The following CERCAM variants were observed in gnomAD, a reference collection of about 807,000 sequenced individuals.
The protein encoded by CERCAM is cerebral endothelial cell adhesion molecule, also known as inactive glycosyltransferase 25 family member 3.
Under a neutral mutation model 66.0 loss-of-function variants are expected in CERCAM, and 59 were observed. The observed-to-expected ratio is 0.89, with a 90% CI of 0.73 to 1.11. The LOEUF (loss-of-function observed/expected upper bound fraction) is 1.11. Among genes scored for constraint, CERCAM ranks in the 50% most tolerant of loss-of-function variants. CERCAM has a pLI of 0.00. For missense variants in CERCAM, 840 were observed against 828.3 expected (o/e 1.01, Z -0.17); for synonymous variants, 318 against 343.6 (o/e 0.93, Z 0.83).
At chr9:128,421,257 A>G in intron 1 of CERCAM, 183 bp downstream of exon 1, 2 of 1,234,266 alleles carry the variant, frequency 1.6e-6, no homozygotes, top group Non-Finnish European at 2.0e-6. Flanking sequence ...CTGCTGGGAG[A>G]CGACAGACCT....
Position 128,424,419 on chromosome 9 carries a change from C to T in CERCAM, c.571C>T (p.Arg191Cys), listed in dbSNP as rs754714830. The stretch of plus-strand genomic sequence containing the variant: ...CATCCCTTTTCCCCAGGGCTACTAC[C>T]GCCGCACAGCCGAGTACTTCCCCAC... The part of the protein sequence containing the change: ...WCGITPQGYY[R>C]RTAEYFPTKN... The change falls in exon 5 of 13, where the codon CGC becomes TGC. Residue 191 changes from arginine to cysteine, a missense_variant. Coordinates refer to ENST00000372838, the MANE Select transcript of CERCAM (RefSeq NM_016174.5). 9.9e-6 allele frequency: 16 copies of T among 1,613,890 alleles called. No individual in the cohort carries two copies. Among genetic ancestry groups the T allele is most frequent in the South Asian group, 2.2e-5 (2 of 91,074 alleles).
rs759879239 is a variant in CERCAM at position 128,428,915 on chromosome 9, C to G, written c.964-15C>G. ...GCTCCCTTGCACTTACCGCCCACCCCCCTGCCTCCTCCAGGTCTTTGTCAT... is the reference window on the plus strand; with the variant it reads ...GCTCCCTTGCACTTACCGCCCACCCGCCTGCCTCCTCCAGGTCTTTGTCAT... On this transcript the variant is annotated splice_polypyrimidine_tract_variant and intron_variant, in intron 7 of 12. Coordinates refer to ENST00000372838, the MANE Select transcript of CERCAM (RefSeq NM_016174.5). 25 of 1,607,252 alleles carry G rather than the reference C, an allele frequency of 1.6e-5. No individual in the cohort carries two copies. The highest frequency in any genetic ancestry group is 2.0e-5 in the Non-Finnish European group (24 of 1,176,562).
rs181009294 is a variant in CERCAM, at chr9:128,433,647, A to C, written c.1204-455A>C. Among the ~76,000 whole-genome samples the C allele has an allele frequency of 9.4e-3, 1,429 of 152,282 alleles. 10 individuals carry two copies. The highest frequency in any genetic ancestry group is 0.027 in the Middle Eastern group (8 of 294). ...AAGAGTGAAACTTCGTCTCAAAAAA[A>C]AAGGAAAATTGCAGGAGGCCAAAGT... is the stretch of plus-strand genomic sequence containing the variant. On this transcript the variant is annotated intron_variant, in intron 9 of 12. Coordinates refer to ENST00000372838, the MANE Select transcript of CERCAM (RefSeq NM_016174.5).
rs1833924333 is a variant in CERCAM at position 128,429,430 on chromosome 9, T to TA, written c.1070+394_1070+395insA. Among the ~76,000 whole-genome samples, 3 of 152,242 alleles carry TA rather than the reference T, an allele frequency of 2.0e-5. No homozygotes were observed. In the South Asian group the frequency reaches 6.2e-4, roughly 32 times the overall value. On this transcript the variant is annotated intron_variant, in intron 8 of 12. Transcript: ENST00000372838. ...GGCCGGGCACATAGTTTCCAAAGGC[T>TA]TAGGTGTCTCCCTTATTATTACTCT...
intron 6 of CERCAM, 98 bp from the exon 7 acceptor site, chr9:128,428,659 C>A: frequency 2.2e-6 from 3 of 1,386,758 alleles, no homozygotes; most frequent in Non-Finnish European, 2.0e-6. Flanking sequence ...GGGTGTTCTG[C>A]CAAAGGGGGC....
chr9:128,431,035 C>A, intron 8 of CERCAM, 136 bp from the exon 9 acceptor site: 3 of 1,074,408 alleles, frequency 2.8e-6, no homozygotes, highest in Non-Finnish European at 4.0e-6. Context: ...AGCTTCAGGT[C>A]ACACAAAGGA....
Position 128,434,508 on chromosome 9 carries a change from A to G in CERCAM, c.1430A>G (p.Tyr477Cys). The change falls in exon 11 of 13, where the codon TAT (tyrosine) becomes TGT (cysteine). Residue 477 changes from tyrosine to cysteine, a missense_variant. Physicochemically the swap from Tyr to Cys is radical, Grantham distance 194. Transcript: ENST00000372838. This position sits in a 1 kb window ranked among gnomAD's most constrained non-coding sequence, Gnocchi z 4.5. ...VAGYSYWTLA[Y>C]ALRLAGARKL... ...GGGTACTCCTACTGGACGCTGGCCT[A>G]TGCCCTGCGTCTGGCGGGTGCCCGC... 1.2e-6 allele frequency: 2 copies of G among 1,613,560 alleles called. No homozygotes were observed. Among genetic ancestry groups the G allele is most frequent in the Non-Finnish European group, 1.7e-6 (2 of 1,179,980 alleles).
intron 2 of CERCAM, 75 bp downstream of exon 2, chr9:128,423,053 G>C (rs1833747497): frequency 6.2e-7 from 1 of 1,609,096 alleles, no homozygotes; most frequent in African/African-American, 1.3e-5. Context: ...GGACAGCCCA[G>C]AGCCACAGCC....
At chr9:128,436,682 C>G (rs912270586) in intron 12 of CERCAM, among the ~76,000 whole-genome samples, 167 bp from the exon 13 acceptor site, 1 of 152,196 alleles carries the variant, frequency 6.6e-6, no homozygotes, top group African/African-American at 2.4e-5. Context: ...TGCCTGGCCT[C>G]TGTGTCTGTC....
intron 1 of CERCAM, 92 bp from the exon 2 acceptor site, chr9:128,422,776 A>T: frequency 7.1e-7 from 1 of 1,414,940 alleles, no homozygotes; most frequent in Non-Finnish European, 9.6e-7. Flanking sequence ...GGAGAGCTCG[A>T]CCTCAAAGGT....
rs764303112 is a variant in CERCAM at position 128,428,747 on chromosome 9, C to T, written c.887-10C>T. 8.7e-6 allele frequency: 14 copies of T among 1,613,774 alleles called. No homozygotes were observed. In the African/African-American group the frequency reaches 1.7e-4, roughly 20 times the overall value. ...AGGGACTCGTGCTTGGGGTGTGCTTCCCTTTGCAGTGGACGGCCCCCGCAT... is the reference window on the plus strand; with the variant it reads ...AGGGACTCGTGCTTGGGGTGTGCTTTCCTTTGCAGTGGACGGCCCCCGCAT... On this transcript the variant is annotated splice_polypyrimidine_tract_variant and intron_variant, in intron 6 of 12. Coordinates refer to ENST00000372838, the MANE Select transcript of CERCAM (RefSeq NM_016174.5).
chr9:128,436,333 C>T (rs59774726), intron 12 of CERCAM, among the ~76,000 whole-genome samples: 41,605 of 152,078 alleles, frequency 0.27, 6,528 homozygotes, highest in African/African-American at 0.42. Context: ...CTCTGCCTCC[C>T]GCGTCCCGGA....
At chr9:128,422,593 A>C in intron 1 of CERCAM, 2 of 388,704 alleles carry the variant, frequency 5.1e-6, no homozygotes, top group Non-Finnish European at 9.3e-6. Flanking sequence ...TTCTTCTCTT[A>C]TCTTTGTCCA....
At chr9:128,426,203 T>C (rs1172772318) in intron 5 of CERCAM, among the ~76,000 whole-genome samples, 6 of 150,842 alleles carry the variant, frequency 4.0e-5, no homozygotes, top group Admixed American at 4.0e-4. Context: ...GGAGGATCGC[T>C]TGAGCCCAGG....
At chr9:128,425,993 TG>T (rs1833837528) in intron 5 of CERCAM, among the ~76,000 whole-genome samples, 1 of 150,952 alleles carries the variant, frequency 6.6e-6, no homozygotes, top group Non-Finnish European at 1.5e-5. Flanking sequence ...TTTGTAGAGA[TG>T]GGGTTTTGCC....
At chr9:128,431,333 C>T in intron 9 of CERCAM, 30 bp downstream of exon 9, 1 of 1,612,698 alleles carries the variant, frequency 6.2e-7, no homozygotes, top group Non-Finnish European at 8.5e-7. Context: ...CCATCCACAG[C>T]CTTCGGGGAG....
intron 9 of CERCAM, 112 bp downstream of exon 9, chr9:128,431,415 C>T: frequency 7.0e-7 from 1 of 1,423,538 alleles, no homozygotes; most frequent in South Asian, 1.3e-5. Context: ...CAAAACCTGG[C>T]CAGCAGCTTT....
rs776267066 is a variant in CERCAM at position 128,435,756 on chromosome 9, A to G, written c.1639A>G (p.Ser547Gly). 6.2e-6 allele frequency: 10 copies of G among 1,613,324 alleles called. No homozygotes were observed. The highest frequency in any genetic ancestry group is 7.6e-6 in the Non-Finnish European group (9 of 1,179,892). ...THYAGDAEWL[S>G]DTETSSPWDD... ...CTATGCCGGGGACGCCGAGTGGCTC[A>G]GTGACACGGAGACATCCTCTCCATG... is the stretch of plus-strand genomic sequence containing the variant. Residue 547 changes from serine (S) to glycine (G), a missense_variant, in exon 12 of 13, where the codon AGT becomes GGT. Ser to Gly is a moderately conservative substitution (Grantham distance 56, BLOSUM62 0). Transcript: ENST00000372838.
intron 5 of CERCAM, among the ~76,000 whole-genome samples, chr9:128,426,685 A>G (rs1308893458): frequency 1.3e-5 from 2 of 152,054 alleles, no homozygotes; most frequent in Non-Finnish European, 2.9e-5. Flanking sequence ...GTTGGAGTGA[A>G]GCTCTTGAGA....
Sources: gnomAD v4.1 joint callset for allele counts (sites outside exome capture counted in the v4.1 genomes callset) on GRCh38, gnomAD v4.1.1 for gene constraint, Gnocchi (gnomAD v3.1) non-coding constraint, MANE v1.5 for transcripts, NCBI Gene and HGNC (gene_info 2026-07-23, HGNC 2026-07-21) for gene names.